NOX5: variants seen among roughly 807,000 people sequenced by gnomAD.
The protein encoded by NOX5 is NADPH oxidase, EF-hand calcium binding domain 5.
A neutral mutation model predicts 85.7 loss-of-function variants in NOX5; 76 were observed. The ratio of observed to expected loss-of-function variants is 0.89; its 90% CI spans 0.74 to 1.07. The LOEUF (loss-of-function observed/expected upper bound fraction) is 1.07, where lower values mean the gene tolerates loss of function less well. NOX5 is among the 50% of genes least tolerant of loss of function. The pLI is 0.00. For missense variants in NOX5, 973 were observed against 999.5 expected, an observed-to-expected ratio of 0.97 and a Z score of 0.36; for synonymous variants, 405 against 401.4, an observed-to-expected ratio of 1.01 and a Z score of -0.11.
intron 9 of NOX5, among the ~76,000 whole-genome samples, chr15:69,042,017 A>G (rs909657616): frequency 6.6e-6 from 1 of 151,516 alleles, no homozygotes; most frequent in Non-Finnish European, 1.5e-5. Flanking sequence ...CCTTATTCTG[A>G]GAAGGAGACT....
rs1351249037 is a variant in NOX5, at chr15:69,061,631, G to A, written c.*4935G>A. ...TTATTTTATGAGGAAATTCATCCCA[G>A]GGGGAAAAATACTCAACCTGAATGG... On this transcript the variant is annotated 3_prime_UTR_variant, in exon 16 of 16. Transcript: ENST00000388866. 6.6e-6 allele frequency: 1 copy of A among 152,188 alleles called. No homozygotes were observed. The highest frequency in any genetic ancestry group is 2.4e-5 in the African/African-American group (1 of 41,434). The allele number at this position is 152,188 out of a possible 1,614,324, so 9.4% of individuals were successfully genotyped here.
intron 2 of NOX5, 110 bp from the exon 3 acceptor site, chr15:69,028,105 C>G: frequency 8.3e-7 from 1 of 1,207,722 alleles, no homozygotes; most frequent in African/African-American, 1.5e-5. Context: ...TACCGCCACT[C>G]TGTGGTGCAC....
chr15:69,022,065 T>C (rs1010537710), intron 1 of NOX5, among the ~76,000 whole-genome samples: 2 of 152,204 alleles, frequency 1.3e-5, no homozygotes, highest in Non-Finnish European at 2.9e-5. Context: ...AGCTGACTCA[T>C]CTCAACATTT....
At position 69,059,815 on chromosome 15, in the gene NOX5, G is replaced by A. The variant is rs1337590076; in HGVS notation, c.*3119G>A. The stretch of plus-strand genomic sequence containing the variant: ...TGTTGCCAATGCTGTAGAAACATCT[G>A]GGCCCACGACAGATAAGGCTGACAC... On this transcript the variant is annotated 3_prime_UTR_variant, in exon 16 of 16. Coordinates refer to ENST00000388866, the MANE Select transcript of NOX5 (RefSeq NM_024505.4). The A allele has an allele frequency of 6.6e-6, 1 of 152,110 alleles. No individual in the cohort carries two copies. The allele number at this position is 152,110 out of a possible 1,614,324, so 9.4% of individuals were successfully genotyped here.
In NOX5 at chr15:69,035,774, G is replaced by T. The variant is rs527275690; in HGVS notation, c.1026G>T (p.Ala342=). The T allele has an allele frequency of 6.2e-7, 1 of 1,614,004 alleles. No homozygotes were observed. The change falls in exon 7 of 16, where the codon GCG becomes GCT. Residue 342 remains alanine, a synonymous_variant. Coordinates refer to ENST00000388866, the MANE Select transcript of NOX5 (RefSeq NM_024505.4). ...TGTTTCCAGTACTCCAGGCTCAGGC[G>T]GAGGCCAGCCCTTTCCAGTTCTGGG... ...HTVNFVLQAQ[A]EASPFQFWEL...
Position 69,014,778 on chromosome 15 carries a change from T to C in NOX5, c.43T>C (p.Cys15Arg), listed in dbSNP as rs1298860437. ...CCCAGCCCAGACGGGCCCTGAAGGC[T>C]GTAGAGGGTGAGTGGCTCATTTGTC... ...GDPAQTGPEG[C>R]RGTMSAEEDA... The change falls in exon 1 of 16, where the codon TGT (cysteine) becomes CGT (arginine). Residue 15 changes from cysteine to arginine, a missense_variant. Coordinates refer to ENST00000388866, the MANE Select transcript of NOX5 (RefSeq NM_024505.4). The C allele has an allele frequency of 3.9e-6, 6 of 1,549,206 alleles. No individual in the cohort carries two copies. Among genetic ancestry groups the C allele is most frequent in the Non-Finnish European group, 5.2e-6 (6 of 1,145,720 alleles).
rs1468781979 is a variant in NOX5 at position 69,015,154 on chromosome 15, A to G, written c.50+369A>G. On this transcript the variant is annotated intron_variant, in intron 1 of 15. Transcript: ENST00000388866. ...TGGTGCAAAGCAAGGCTGGACCTAAAATCCTGGTCTCCTGGGGTAAATTCT... is the reference window on the plus strand; with the variant it reads ...TGGTGCAAAGCAAGGCTGGACCTAAGATCCTGGTCTCCTGGGGTAAATTCT... Among the ~76,000 whole-genome samples the G allele has an allele frequency of 2.6e-5, 4 of 152,196 alleles. No homozygotes were observed. In the East Asian group the frequency reaches 7.7e-4, roughly 29 times the overall value.
intron 1 of NOX5, chr15:69,023,011 G>C: frequency 2.0e-6 from 1 of 498,780 alleles, no homozygotes; most frequent in Non-Finnish European, 4.1e-6. Context: ...TCACAAAGAG[G>C]AATGTTCCAT....
chr15:69,051,603 G>A (rs148331311), intron 14 of NOX5, among the ~76,000 whole-genome samples: 1 of 152,188 alleles, frequency 6.6e-6, no homozygotes, highest in East Asian at 1.9e-4. Flanking sequence ...TTGAACTCCT[G>A]AGCTCAAGTG....
chr15:69,034,549 T>G (rs529607155), intron 5 of NOX5, among the ~76,000 whole-genome samples: 1 of 152,232 alleles, frequency 6.6e-6, no homozygotes, highest in Non-Finnish European at 1.5e-5. Flanking sequence ...TAGCTTAGTT[T>G]TGGTAAAGTC....
At chr15:69,025,044 G>A (rs2140250324) in intron 1 of NOX5, among the ~76,000 whole-genome samples, 1 of 152,220 alleles carries the variant, frequency 6.6e-6, no homozygotes, top group Non-Finnish European at 1.5e-5. Context: ...GTTCTATAAA[G>A]TCACTGCAAA....
intron 10 of NOX5, among the ~76,000 whole-genome samples, chr15:69,044,100 C>G (rs1420357649): frequency 2.6e-5 from 4 of 151,910 alleles, no homozygotes; most frequent in African/African-American, 4.8e-5. Flanking sequence ...AGGAGAATCT[C>G]TTGAACCCAG....
chr15:69,028,624 T>G (rs1479822403), intron 3 of NOX5: 6 of 322,588 alleles, frequency 1.9e-5, no homozygotes. Context: ...ACAAATGCCT[T>G]CTATTCAACT....
intron 11 of NOX5, 161 bp downstream of exon 11, chr15:69,047,027 T>C: frequency 7.4e-6 from 5 of 675,412 alleles, no homozygotes; most frequent in Admixed American, 2.6e-5. Context: ...ACCACATCCC[T>C]CCCCCTGCTC....
chr15:69,035,325 C>A, intron 5 of NOX5, 29 bp from the exon 6 acceptor site: 1 of 1,609,052 alleles, frequency 6.2e-7, no homozygotes, highest in Non-Finnish European at 8.5e-7. Flanking sequence ...GAGAGTGAGG[C>A]AGGGCTCTCT....
chr15:69,031,886 C>A, intron 4 of NOX5, 74 bp downstream of exon 4: 1 of 1,450,648 alleles, frequency 6.9e-7, no homozygotes, highest in South Asian at 1.4e-5. Context: ...GGCAGGAACT[C>A]ACCGCGGATC....
At position 69,056,439 on chromosome 15, in the gene NOX5, T is replaced by C. The variant is rs2050812397; in HGVS notation, c.2167-126T>C. The C allele has an allele frequency of 2.5e-6, 3 of 1,208,364 alleles. No homozygotes were observed. The South Asian group carries it at 4.4e-5, about 18-fold the overall frequency. The allele number at this position is 1,208,364 out of a possible 1,614,324, so 74.9% of individuals were successfully genotyped here. On this transcript the variant is annotated intron_variant, in intron 15 of 15. Coordinates refer to ENST00000388866, the MANE Select transcript of NOX5 (RefSeq NM_024505.4). ...CCAGCAGCTGTGCCATGCAGCTCCC[T>C]GTGTAAAATGGGAATGCTCATTGCT...
At chr15:69,032,689 A>T (rs2050453139) in intron 4 of NOX5, among the ~76,000 whole-genome samples, 1 of 152,158 alleles carries the variant, frequency 6.6e-6, no homozygotes, top group African/African-American at 2.4e-5. Flanking sequence ...GGGATTACAG[A>T]CGTGAGCCAC....
chr15:69,056,496 T>G, intron 15 of NOX5, 69 bp from the exon 16 acceptor site: 1 of 1,580,300 alleles, frequency 6.3e-7, no homozygotes, highest in South Asian at 1.2e-5. Context: ...CTCCAGGTGG[T>G]TGTGTCACTG....
Sources: gnomAD v4.1 joint callset for allele counts (sites outside exome capture counted in the v4.1 genomes callset) on GRCh38, gnomAD v4.1.1 for gene constraint, MANE v1.5 for transcripts, NCBI Gene and HGNC (gene_info 2026-07-23, HGNC 2026-07-21) for gene names.